Variants in B3GAT2 observed in about 807,000 individuals in gnomAD.
The protein encoded by B3GAT2 is galactosylgalactosylxylosylprotein 3-beta-glucuronosyltransferase 2.
In B3GAT2, 26 loss-of-function variants were observed where a neutral mutation model predicts 27.8. The observed-to-expected ratio is 0.93, with a 90% CI of 0.68 to 1.30. The LOEUF is 1.30. Among genes scored for constraint, B3GAT2 ranks in the 50% most tolerant of loss-of-function variants. The pLI is 0.00. For missense variants in B3GAT2, 458 were observed against 459.0 expected (o/e 1.00, Z 0.02); for synonymous variants, 218 against 195.1 (o/e 1.12, Z -0.98).
At position 70,906,913 on chromosome 6, in the gene B3GAT2, C is replaced by T. The variant is rs1772610860; in HGVS notation, c.592-12641G>A. On this transcript the variant is annotated intron_variant, in intron 1 of 3. Transcript: ENST00000230053. ...GAAAAATCAATGACAATCCTATACA[C>T]AAGCAACTATCATGGAAACAGCATT... is the stretch of plus-strand genomic sequence containing the variant. Among the ~76,000 whole-genome samples, 3 of 152,102 alleles carry T rather than the reference C, an allele frequency of 2.0e-5. No homozygotes were observed. In the South Asian group the frequency reaches 6.2e-4, roughly 32 times the overall value.
At chr6:70,916,009 A>G (rs1034665656) in intron 1 of B3GAT2, among the ~76,000 whole-genome samples, 11 of 152,254 alleles carry the variant, frequency 7.2e-5, no homozygotes, top group Admixed American at 2.0e-4. Flanking sequence ...CATTTTCATG[A>G]TAGTGATTCT....
At chr6:70,930,433 A>T (rs552322425) in intron 1 of B3GAT2, among the ~76,000 whole-genome samples, 1 of 152,230 alleles carries the variant, frequency 6.6e-6, no homozygotes, top group African/African-American at 2.4e-5. Flanking sequence ...ATATTTTTGC[A>T]ATCTACCCAT....
intron 1 of B3GAT2, among the ~76,000 whole-genome samples, chr6:70,922,013 G>A (rs1367075097): frequency 1.3e-5 from 2 of 152,110 alleles, no homozygotes; most frequent in Non-Finnish European, 2.9e-5. Context: ...TACTCTGATG[G>A]GGGTGCTGGC....
chr6:70,925,833 A>ATT (rs1772947071), intron 1 of B3GAT2, among the ~76,000 whole-genome samples: 1 of 152,212 alleles, frequency 6.6e-6, no homozygotes, highest in African/African-American at 2.4e-5. Context: ...CTGGGAATGG[A>ATT]CAGACTGCCT....
chr6:70,866,894 C>T lies in B3GAT2; in HGVS notation c.737-4916G>A, dbSNP rs149045279. ...TTAAAGTACACATGGAACATTATCA[C>T]GATAGTTAGACCATAGTCTGGGCCA... On this transcript the variant is annotated intron_variant, in intron 2 of 3. Coordinates refer to ENST00000230053, the MANE Select transcript of B3GAT2 (RefSeq NM_080742.3). Among the ~76,000 whole-genome samples the T allele has an allele frequency of 9.5e-3, 1,451 of 152,214 alleles. 28 individuals are homozygous for T. The highest frequency in any genetic ancestry group is 0.032 in the African/African-American group (1,348 of 41,534).
intron 1 of B3GAT2, among the ~76,000 whole-genome samples, chr6:70,912,584 G>A (rs1423291617): frequency 6.6e-6 from 1 of 151,886 alleles, no homozygotes; most frequent in Non-Finnish European, 1.5e-5. Context: ...ATTGACTTGA[G>A]GTTTTCTTTT....
chr6:70,938,673 A>C lies in B3GAT2; in HGVS notation c.591+17166T>G, dbSNP rs951919181. 1.3e-3 allele frequency among the ~76,000 whole-genome samples: 195 copies of C among 152,212 alleles called. 1 individual carries two copies. Among genetic ancestry groups the C allele is most frequent in the African/African-American group, 4.5e-3 (187 of 41,532 alleles). On this transcript the variant is annotated intron_variant, in intron 1 of 3. Coordinates refer to ENST00000230053, the MANE Select transcript of B3GAT2 (RefSeq NM_080742.3). ...TGGGGAAAGGATTCCCTATTTAATAAATAGTGCTGGGAAAACTGGCTAGCC... is the reference window on the plus strand; with the variant it reads ...TGGGGAAAGGATTCCCTATTTAATACATAGTGCTGGGAAAACTGGCTAGCC...
chr6:70,953,348 T>C (rs986516582), intron 1 of B3GAT2, among the ~76,000 whole-genome samples: 9 of 152,234 alleles, frequency 5.9e-5, no homozygotes, highest in African/African-American at 2.2e-4. Flanking sequence ...CAAATAAACC[T>C]ACGGATTTCC....
intron 1 of B3GAT2, among the ~76,000 whole-genome samples, chr6:70,931,424 G>A (rs142262772): frequency 5.3e-4 from 81 of 152,206 alleles, no homozygotes; most frequent in African/African-American, 1.9e-3. Context: ...CTCCCATTTA[G>A]CCAGCTGTAC....
chr6:70,873,586 G>A lies in B3GAT2; in HGVS notation c.737-11608C>T, dbSNP rs940311758. Among the ~76,000 whole-genome samples, 9 of 151,904 alleles carry A rather than the reference G, an allele frequency of 5.9e-5. 1 individual carries two copies. In the South Asian group the frequency reaches 6.2e-4, roughly 11 times the overall value. On this transcript the variant is annotated intron_variant, in intron 2 of 3. Transcript: ENST00000230053. ...TACTTGGAATCCACTGAGCTTCCTC[G>A]ATGTTTAATGTTTTTCATACAGATT... is the stretch of plus-strand genomic sequence containing the variant.
At chr6:70,894,099 G>C (rs1456742424) in intron 2 of B3GAT2, 29 bp downstream of exon 2, 3 of 1,581,752 alleles carry the variant, frequency 1.9e-6, no homozygotes, top group African/African-American at 2.7e-5. Context: ...AGTCCAGCAG[G>C]AACAAATGTC....
chr6:70,937,535 A>T (rs1015551409), intron 1 of B3GAT2, among the ~76,000 whole-genome samples: 4 of 152,206 alleles, frequency 2.6e-5, no homozygotes, highest in African/African-American at 9.6e-5. Flanking sequence ...CCAGCAGCAC[A>T]TCAAAAAGCT....
At chr6:70,880,406 A>G (rs1772083264) in intron 2 of B3GAT2, among the ~76,000 whole-genome samples, 1 of 152,192 alleles carries the variant, frequency 6.6e-6, no homozygotes, top group Non-Finnish European at 1.5e-5. Flanking sequence ...TAACTTGCTT[A>G]AAAGCTTACT....
rs556490762 is a variant in B3GAT2, at chr6:70,858,480, G to A, written c.*3183C>T. 1 of 337,046 alleles carries A rather than the reference G, an allele frequency of 3.0e-6. No individual in the cohort carries two copies. The highest frequency in any genetic ancestry group is 4.7e-5 in the South Asian group (1 of 21,240). The allele number at this position is 337,046 out of a possible 1,614,324, so 20.9% of individuals were successfully genotyped here. A position where few individuals can be genotyped will look rare whatever the true frequency, so the allele number is the denominator to read the frequency against. On this transcript the variant is annotated 3_prime_UTR_variant, in exon 4 of 4. Transcript: ENST00000230053. ...GGTTAAACATCTTTCATTTCAAATT[G>A]TAATGTAACTGTAACGTGAACACCA...
chr6:70,913,109 A>C (rs1462518961), intron 1 of B3GAT2, among the ~76,000 whole-genome samples: 5 of 152,142 alleles, frequency 3.3e-5, no homozygotes, highest in Non-Finnish European at 7.3e-5. Flanking sequence ...ATTGTTTCAA[A>C]GAACCAGCTT....
chr6:70,955,851 C>G lies in B3GAT2; in HGVS notation c.579G>C (p.Glu193Asp). 1 of 1,599,444 alleles carries G rather than the reference C, an allele frequency of 6.3e-7. No individual in the cohort carries two copies. The highest frequency in any genetic ancestry group is 8.5e-7 in the Non-Finnish European group (1 of 1,174,082). The change falls in exon 1 of 4, where the codon GAG (glutamate) becomes GAC (aspartate). Residue 193 changes from glutamate (E) to aspartate (D), a missense_variant. By Grantham distance (45) the Glu-to-Asp change is conservative. Coordinates refer to ENST00000230053, the MANE Select transcript of B3GAT2 (RefSeq NM_080742.3). The stretch of plus-strand genomic sequence containing the variant: ...GGCTGGCCTTTACCTCCTGGAAGAG[C>G]TCCAGACTATAGGTGTTGTCGTCGT... ...FADDDNTYSLELFQEMRTTRK... is the reference protein window; with the variant it reads ...FADDDNTYSLDLFQEMRTTRK...
At position 70,858,152 on chromosome 6, in the gene B3GAT2, A is replaced by G. The variant is rs1448817510; in HGVS notation, c.*3511T>C. 6.2e-7 allele frequency: 1 copy of G among 1,613,954 alleles called. No individual in the cohort carries two copies. The highest frequency in any genetic ancestry group is 1.3e-5 in the African/African-American group (1 of 74,904). On this transcript the variant is annotated 3_prime_UTR_variant, in exon 4 of 4. Coordinates refer to ENST00000230053, the MANE Select transcript of B3GAT2 (RefSeq NM_080742.3). The stretch of plus-strand genomic sequence containing the variant: ...GAACGTTGTTGGCCCCCAAGGAGGA[A>G]TGGTGGGACAAATGGGTGCACCCCA...
chr6:70,902,201 G>A (rs1315238165), intron 1 of B3GAT2, among the ~76,000 whole-genome samples: 1 of 152,128 alleles, frequency 6.6e-6, no homozygotes, highest in Non-Finnish European at 1.5e-5. Context: ...ATAAATGGAA[G>A]AGACTAGAGA....
chr6:70,935,810 A>G (rs1363446588), intron 1 of B3GAT2, among the ~76,000 whole-genome samples: 1 of 152,230 alleles, frequency 6.6e-6, no homozygotes, highest in Non-Finnish European at 1.5e-5. Flanking sequence ...GCCAAAACGT[A>G]AAGACCATCA....
Sources: gnomAD v4.1 joint callset for allele counts (sites outside exome capture counted in the v4.1 genomes callset) on GRCh38, gnomAD v4.1.1 for gene constraint, MANE v1.5 for transcripts, NCBI Gene and HGNC (gene_info 2026-07-23, HGNC 2026-07-21) for gene names.